Variants in SLC9C2 observed in about 807,000 individuals in gnomAD.
The protein encoded by SLC9C2 is solute carrier family 9 member C2 (putative), also known as sodium/hydrogen exchanger 11.
A neutral mutation model predicts 140.2 loss-of-function variants in SLC9C2; 75 were observed. The ratio of observed to expected loss-of-function variants is 0.53; its 90% CI spans 0.44 to 0.65. The LOEUF (loss-of-function observed/expected upper bound fraction) is 0.65, where lower values mean the gene tolerates loss of function less well. Among genes scored for constraint, SLC9C2 ranks in the 30% least tolerant of loss-of-function variants. The pLI is 0.00. For synonymous variants in SLC9C2, 375 were observed against 420.9 expected (o/e 0.89, Z 1.34); for missense variants, 1,074 against 1,331.8 (o/e 0.81, Z 3.01).
chr1:173,594,834 A>AT (rs892430320), intron 4 of SLC9C2, among the ~76,000 whole-genome samples: 41 of 152,206 alleles, frequency 2.7e-4, no homozygotes, highest in African/African-American at 9.9e-4. Context: ...GAATATAGAA[A>AT]TTTTGACTGC....
intron 9 of SLC9C2, among the ~76,000 whole-genome samples, chr1:173,571,057 C>T (rs1177286366): frequency 6.6e-6 from 1 of 152,116 alleles, no homozygotes; most frequent in Non-Finnish European, 1.5e-5. Flanking sequence ...GTGCAGATAG[C>T]TGTTAAAATG....
intron 9 of SLC9C2, among the ~76,000 whole-genome samples, chr1:173,570,005 GC>G (rs1664743312): frequency 6.6e-6 from 1 of 152,068 alleles, no homozygotes; most frequent in Admixed American, 6.5e-5. Flanking sequence ...AGGCCCAAGG[GC>G]TCTTCAAGCC....
intron 13 of SLC9C2, among the ~76,000 whole-genome samples, chr1:173,540,897 A>C (rs187672796): frequency 3.8e-4 from 58 of 152,350 alleles, no homozygotes; most frequent in African/African-American, 1.4e-3. Context: ...GTAAAGACCA[A>C]AACATGCCAA....
Position 173,577,912 on chromosome 1 carries a change from C to T in SLC9C2, c.803-1152G>A, listed in dbSNP as rs1665282465. 1.3e-5 allele frequency among the ~76,000 whole-genome samples: 2 copies of T among 152,002 alleles called. 1 individual carries two copies. Among genetic ancestry groups the T allele is most frequent in the South Asian group, 4.2e-4 (2 of 4,806 alleles). On this transcript the variant is annotated intron_variant, in intron 7 of 27. Transcript: ENST00000367714. ...TTTAACTGAATTTACTTTAAATAAC[C>T]AATGACAATAAAACCAGGAGTGCCG...
At chr1:173,510,988 C>G (rs558632482) in intron 23 of SLC9C2, among the ~76,000 whole-genome samples, 1 of 148,624 alleles carries the variant, frequency 6.7e-6, no homozygotes, top group Non-Finnish European at 1.5e-5. Flanking sequence ...CACAGCCTCA[C>G]AAGCATCTAT....
chr1:173,592,355 G>A (rs1272703499), intron 4 of SLC9C2, among the ~76,000 whole-genome samples: 1 of 152,084 alleles, frequency 6.6e-6, no homozygotes, highest in Non-Finnish European at 1.5e-5. Flanking sequence ...GTCTTTTTTG[G>A]TTCCACATGA....
At chr1:173,587,379 T>G (rs1665910907) in intron 5 of SLC9C2, among the ~76,000 whole-genome samples, 1 of 152,154 alleles carries the variant, frequency 6.6e-6, no homozygotes, top group African/African-American at 2.4e-5. Flanking sequence ...TGGAACAGAA[T>G]AATAATGCCA....
chr1:173,589,635 T>C (rs1473741702), intron 4 of SLC9C2, among the ~76,000 whole-genome samples: 1 of 152,160 alleles, frequency 6.6e-6, no homozygotes, highest in African/African-American at 2.4e-5. Context: ...TTTTAGGAAT[T>C]TCCCATTTTG....
Position 173,509,692 on chromosome 1 carries a change from A to C in SLC9C2, c.2915T>G (p.Phe972Cys), listed in dbSNP as rs1659905094. The change falls in exon 24 of 28, where the codon TTT becomes TGT. Residue 972 changes from phenylalanine (F) to cysteine (C), a missense_variant. Physicochemically the swap from Phe to Cys is radical, Grantham distance 205. Transcript: ENST00000367714. ...VICETSLQAC[F>C]ISLEDLYEGF... ...TTCATATAAATCCTCCAGGGAGATA[A>C]AGCAGGCCTGAAACAAAAAGGAACC... is the stretch of plus-strand genomic sequence containing the variant. 1.3e-6 allele frequency: 2 copies of C among 1,587,586 alleles called. No homozygotes were observed. The highest frequency in any genetic ancestry group is 2.7e-5 in the African/African-American group (2 of 72,742).
At chr1:173,526,369 T>G (rs962760134) in intron 19 of SLC9C2, among the ~76,000 whole-genome samples, 1 of 152,204 alleles carries the variant, frequency 6.6e-6, no homozygotes, top group African/African-American at 2.4e-5. Flanking sequence ...TAATACACTT[T>G]CCACACTCCT....
At chr1:173,537,613 TATATGTATATAC>T (rs1267847189) in intron 13 of SLC9C2, among the ~76,000 whole-genome samples, 1 of 151,932 alleles carries the variant, frequency 6.6e-6, no homozygotes, top group South Asian at 2.1e-4. Flanking sequence ...TATATGTATA[TATATGTATATAC>T]ACACACACAT....
intron 22 of SLC9C2, among the ~76,000 whole-genome samples, chr1:173,520,521 CTGTTT>C (rs1660731904): frequency 6.6e-6 from 1 of 152,186 alleles, no homozygotes. Flanking sequence ...GAATTTGTGT[CTGTTT>C]TGTCAATCCC....
At position 173,548,407 on chromosome 1, in the gene SLC9C2, C is replaced by T. The variant is rs369566180; in HGVS notation, c.1443G>A (p.Thr481=). ...NVNWTLVEDK[T]RIEYIPFSHV... is the part of the protein sequence containing the mutation. ...AACTCACAGGAATGTATTCGATCCTCGTTTTATCTTCTACTAAGGTCCAGT... is the reference window on the plus strand; with the variant it reads ...AACTCACAGGAATGTATTCGATCCTTGTTTTATCTTCTACTAAGGTCCAGT... Residue 481 remains threonine (T), a synonymous_variant, in exon 12 of 28, where the codon ACG becomes ACA. Coordinates refer to ENST00000367714, the MANE Select transcript of SLC9C2 (RefSeq NM_178527.4). 2 of 1,612,638 alleles carry T rather than the reference C, an allele frequency of 1.2e-6. No individual in the cohort carries two copies. The highest frequency in any genetic ancestry group is 1.3e-5 in the African/African-American group (1 of 74,774).
chr1:173,569,964 G>A (rs1182069961), intron 9 of SLC9C2, among the ~76,000 whole-genome samples: 2 of 152,120 alleles, frequency 1.3e-5, no homozygotes, highest in Admixed American at 6.5e-5. Context: ...TCCCAAGGGA[G>A]TTCTGCCACA....
chr1:173,556,733 A>G (rs1314644069), intron 10 of SLC9C2, among the ~76,000 whole-genome samples: 1 of 151,730 alleles, frequency 6.6e-6, no homozygotes, highest in Non-Finnish European at 1.5e-5. Flanking sequence ...CCTGGCCAAC[A>G]TGGCAAAACC....
At chr1:173,522,911 A>G (rs1404307327) in intron 21 of SLC9C2, among the ~76,000 whole-genome samples, 2 of 152,144 alleles carry the variant, frequency 1.3e-5, no homozygotes, top group South Asian at 2.1e-4. Context: ...CTTCTTTCAC[A>G]TCTCTCTTCA....
chr1:173,569,419 T>A (rs1664701476), intron 9 of SLC9C2, among the ~76,000 whole-genome samples: 1 of 152,076 alleles, frequency 6.6e-6, no homozygotes, highest in African/African-American at 2.4e-5. Context: ...TTAAATGCCT[T>A]GAGGTAGCCT....
At chr1:173,541,354 T>C (rs1292931473) in intron 13 of SLC9C2, among the ~76,000 whole-genome samples, 3 of 152,178 alleles carry the variant, frequency 2.0e-5, no homozygotes, top group East Asian at 3.8e-4. Flanking sequence ...CCCAGATTCA[T>C]AAAGCAAGTC....
chr1:173,564,809 T>G (rs944532354), intron 9 of SLC9C2, among the ~76,000 whole-genome samples: 3 of 150,774 alleles, frequency 2.0e-5, no homozygotes, highest in Non-Finnish European at 4.4e-5. Flanking sequence ...GGCTAATTTT[T>G]TATATTTTTA....
Sources: allele counts gnomAD v4.1 joint callset (sites outside exome capture counted in the v4.1 genomes callset), GRCh38; gene constraint gnomAD v4.1.1; transcripts MANE v1.5; gene names NCBI Gene and HGNC (gene_info 2026-07-23, HGNC 2026-07-21).